Variants in FAT2 observed in about 807,000 individuals in gnomAD.
FAT2 encodes the protein protocadherin Fat 2.
In FAT2, 150 loss-of-function variants were observed where a neutral mutation model predicts 295.3. The observed-to-expected ratio is 0.51, with a 90% CI of 0.44 to 0.58. The LOEUF is 0.58. FAT2 is among the 20% of genes least tolerant of loss of function. FAT2 has a pLI of 0.00. For synonymous variants in FAT2, 2,026 were observed against 2,150.3 expected (o/e 0.94, Z 1.60); for missense variants, 4,868 against 5,442.7 (o/e 0.89, Z 3.32).
intron 19 of FAT2, among the ~76,000 whole-genome samples, chr5:151,518,722 A>C (rs939269414): frequency 1.3e-5 from 2 of 152,246 alleles, no homozygotes; most frequent in African/African-American, 4.8e-5. Context: ...GCACAGTTGC[A>C]TAGTATGGAG....
rs2127610261 is a variant in FAT2, at chr5:151,544,670, G to A, written c.6457C>T (p.Leu2153Phe). ...ACAAGTACCTCTTCCTCACTCTGGA[G>A]GGATGGCGTTCCTCCATCCCGAGCA... ...VIARDGGTPSLQSEEEVLVTV... is the reference protein window; with the variant it reads ...VIARDGGTPSFQSEEEVLVTV... The change falls in exon 10 of 24, where the codon CTC becomes TTC. Residue 2153 changes from leucine (L) to phenylalanine (F), a missense_variant. Around this residue, in one of 5 missense-constraint regions of FAT2, gnomAD observed 3,297 missense variants for 3,669.4 expected, o/e 0.90. Transcript: ENST00000261800. 1 of 1,614,124 alleles carries A rather than the reference G, an allele frequency of 6.2e-7. No individual in the cohort carries two copies. Among genetic ancestry groups the A allele is most frequent in the Non-Finnish European group, 8.5e-7 (1 of 1,180,004 alleles).
chr5:151,587,547 A>G (rs1759225995), intron 1 of FAT2, among the ~76,000 whole-genome samples: 1 of 152,124 alleles, frequency 6.6e-6, no homozygotes, highest in Non-Finnish European at 1.5e-5. Flanking sequence ...ACTGATGTTC[A>G]GTGCCAACTC....
At chr5:151,594,379 G>T (rs956357282), upstream of FAT2, among the ~76,000 whole-genome samples, 2 of 152,178 alleles carry the variant, frequency 1.3e-5, no homozygotes, top group African/African-American at 2.4e-5. Context: ...AATCAAGGCT[G>T]CACATTGGCA....
At chr5:151,556,819 C>T (rs959230236) in intron 3 of FAT2, among the ~76,000 whole-genome samples, 19 of 152,094 alleles carry the variant, frequency 1.2e-4, no homozygotes, top group East Asian at 3.9e-4. Context: ...TCTGTAGGTT[C>T]GGTGTTTAAA....
intron 11 of FAT2, 91 bp from the exon 12 acceptor site, chr5:151,538,037 C>T: frequency 1.7e-6 from 2 of 1,161,120 alleles, no homozygotes; most frequent in Non-Finnish European, 1.2e-6. Context: ...GAGGCAGAAG[C>T]AGAAAGAGAG....
rs777033163 is a variant in FAT2 at position 151,544,142 on chromosome 5, C to G, written c.6985G>C (p.Gly2329Arg). Residue 2329 changes from glycine (G) to arginine (R), a missense_variant, in exon 10 of 24, where the codon GGG becomes CGG. By Grantham distance (125) the Gly-to-Arg change is moderately radical (BLOSUM62 -2). Transcript: ENST00000261800. ...SKFFQINGST[G>R]EMSTVQELDY... ...AGTTCTTGAACTGTGGACATCTCCC[C>G]TGTGCTCCCATTGATCTGGAAGAAC... 1.9e-6 allele frequency: 3 copies of G among 1,614,214 alleles called. No homozygotes were observed. In the South Asian group the frequency reaches 3.3e-5, roughly 18 times the overall value.
chr5:151,518,922 G>A (rs761201546), intron 19 of FAT2, among the ~76,000 whole-genome samples: 1 of 152,206 alleles, frequency 6.6e-6, no homozygotes, highest in Non-Finnish European at 1.5e-5. Flanking sequence ...CTTGTCAGTT[G>A]TCAGGGGAGA....
At position 151,568,662 on chromosome 5, in the gene FAT2, G is replaced by A. The variant is rs1458986198; in HGVS notation, c.270C>T (p.Gly90=). The part of the protein sequence containing the change: ...NVFKTEEYVV[G]NFCFLRIRTK... ...TCCTTATTCTTAGGAAGCAGAAGTT[G>A]CCCACCACATACTCCTCAGTTTTAA... The change falls in exon 2 of 24, where the codon GGC becomes GGT. Residue 90 remains glycine, a synonymous_variant. Coordinates refer to ENST00000261800, the MANE Select transcript of FAT2 (RefSeq NM_001447.3). 1 of 1,614,152 alleles carries A rather than the reference G, an allele frequency of 6.2e-7. No homozygotes were observed. The highest frequency in any genetic ancestry group is 1.7e-5 in the Admixed American group (1 of 60,014).
chr5:151,555,955 T>A (rs1757655898), intron 4 of FAT2, among the ~76,000 whole-genome samples: 1 of 152,140 alleles, frequency 6.6e-6, no homozygotes, highest in South Asian at 2.1e-4. Flanking sequence ...AGAGCACAGA[T>A]CTAGAAGACA....
Position 151,568,057 on chromosome 5 carries a change from A to T in FAT2, c.875T>A (p.Val292Asp). The T allele has an allele frequency of 6.2e-7, 1 of 1,614,208 alleles. No homozygotes were observed. Among genetic ancestry groups the T allele is most frequent in the Non-Finnish European group, 8.5e-7 (1 of 1,180,048 alleles). Reference sequence around the variant, plus strand: ...GAAGTGCTTTCCAGGGTCACCACCAACAACTTCCACTGACTCCACTTCAGC... The same window carrying T: ...GAAGTGCTTTCCAGGGTCACCACCATCAACTTCCACTGACTCCACTTCAGC... ...SGAEVESVEV[V>D]GGDPGKHFKA... Residue 292 changes from valine (V) to aspartate (D), a missense_variant, in exon 2 of 24, where the codon GTT becomes GAT. This residue lies in a region of FAT2 where 3,297 missense variants were observed against 3,669.4 expected (regional missense o/e 0.90). Transcript: ENST00000261800.
intron 2 of FAT2, 26 bp downstream of exon 2, chr5:151,565,647 A>AGCCCCCCC: frequency 2.1e-6 from 3 of 1,461,026 alleles, no homozygotes; most frequent in Non-Finnish European, 1.9e-6. Flanking sequence ...TGGCCCTGGC[A>AGCCCCCCC]CCCCACCCTA....
rs2127614272 is a variant in FAT2, at chr5:151,546,181, T to C, written c.4946A>G (p.His1649Arg). The C allele has an allele frequency of 6.2e-7, 1 of 1,614,176 alleles. No individual in the cohort carries two copies. Among genetic ancestry groups the C allele is most frequent in the Non-Finnish European group, 8.5e-7 (1 of 1,180,034 alleles). ...GGCACTCCTATCTGAGGGATAGACA[T>C]GAATGATCACTGTAGCCAGGTCATG... ...QWHDLATVII[H>R]VYPSDRSAPI... Residue 1649 changes from histidine (H) to arginine (R), a missense_variant, in exon 10 of 24, where the codon CAT becomes CGT. His to Arg is a conservative substitution (Grantham distance 29). Transcript: ENST00000261800.
chr5:151,583,739 A>G (rs1231847037), intron 1 of FAT2, among the ~76,000 whole-genome samples: 1 of 152,198 alleles, frequency 6.6e-6, no homozygotes, highest in Non-Finnish European at 1.5e-5. Context: ...TGCTTGCGCC[A>G]GTAATCCCAA....
In FAT2 at chr5:151,543,550, C is replaced by T; in HGVS notation, c.7577G>A (p.Ser2526Asn). The T allele has an allele frequency of 6.2e-7, 1 of 1,614,170 alleles. No homozygotes were observed. The highest frequency in any genetic ancestry group is 8.5e-7 in the Non-Finnish European group (1 of 1,180,028). Residue 2526 changes from serine (S) to asparagine (N), a missense_variant, in exon 10 of 24, where the codon AGT (serine) becomes AAT (asparagine). Physicochemically the swap from Ser to Asn is conservative, Grantham distance 46. Around this residue, in one of 5 missense-constraint regions of FAT2, gnomAD observed 3,297 missense variants for 3,669.4 expected, o/e 0.90. Transcript: ENST00000261800. Reference protein sequence around the residue: ...IDYTIINKLASEKFSINPNGQ... With the variant: ...IDYTIINKLANEKFSINPNGQ... ...ATTGGGGTTTATGGAGAACTTCTCACTTGCTAGTTTATTGATGATAGTATA... is the reference window on the plus strand; with the variant it reads ...ATTGGGGTTTATGGAGAACTTCTCATTTGCTAGTTTATTGATGATAGTATA...
chr5:151,573,987 T>A (rs1458288789), intron 1 of FAT2, among the ~76,000 whole-genome samples: 1 of 152,136 alleles, frequency 6.6e-6, no homozygotes, highest in African/African-American at 2.4e-5. Flanking sequence ...TTGGGGGAGA[T>A]AAGAAGCATT....
upstream of FAT2, among the ~76,000 whole-genome samples, chr5:151,593,310 G>C (rs892576811): frequency 1.3e-5 from 2 of 152,194 alleles, no homozygotes; most frequent in African/African-American, 4.8e-5. Context: ...CTTCCCTCGG[G>C]GGCCAAGGCT....
intron 17 of FAT2, 78 bp from the exon 18 acceptor site, chr5:151,526,043 A>C: frequency 1.4e-6 from 2 of 1,384,474 alleles, no homozygotes; most frequent in Non-Finnish European, 2.0e-6. Context: ...TGGGTATGTC[A>C]TCTGGAATGA....
chr5:151,525,947 T>G lies in FAT2; in HGVS notation c.10327A>C (p.Ser3443Arg). 1 of 1,614,138 alleles carries G rather than the reference T, an allele frequency of 6.2e-7. No individual in the cohort carries two copies. The highest frequency in any genetic ancestry group is 8.5e-7 in the Non-Finnish European group (1 of 1,180,016). ...CTCAGGATCAGCTGCAGGACTTTGC[T>G]GCCAATGGGGGAGTTCTCCTGAGAC... is the stretch of plus-strand genomic sequence containing the variant. ...TTVQENSPIG[S>R]KVLQLILSDP... is the part of the protein sequence containing the mutation. Residue 3443 changes from serine to arginine, a missense_variant, in exon 18 of 24, where the codon AGC becomes CGC. Physicochemically the swap from Ser to Arg is moderately radical, Grantham distance 110. Around this residue, in one of 5 missense-constraint regions of FAT2, gnomAD observed 1,046 missense variants for 1,210.1 expected, o/e 0.86. Transcript: ENST00000261800.
chr5:151,558,487 C>T (rs951798824), intron 3 of FAT2, among the ~76,000 whole-genome samples: 2 of 152,094 alleles, frequency 1.3e-5, no homozygotes, highest in Non-Finnish European at 1.5e-5. Context: ...GATGTTGTGG[C>T]GTGTGCCTGT....
Sources: gnomAD v4.1 joint callset for allele counts (sites outside exome capture counted in the v4.1 genomes callset) on GRCh38, gnomAD v4.1.1 for gene constraint, gnomAD v4.1.1 regional missense constraint, MANE v1.5 for transcripts, NCBI Gene and HGNC (gene_info 2026-07-23, HGNC 2026-07-21) for gene names.